Variants in CHD6 observed in about 807,000 individuals in gnomAD.
CHD6 encodes the protein ATP-dependent chromatin remodeler CHD6.
In CHD6, 50 loss-of-function variants were observed where a neutral mutation model predicts 276.9. That is an observed-to-expected ratio of 0.18 (90% CI 0.14 to 0.23). The LOEUF is 0.23. Ranked by LOEUF, CHD6 falls within the 10% of genes least tolerant of loss-of-function variation. The pLI is 1.00. For missense variants in CHD6, 2,564 were observed against 3,365.8 expected, an observed-to-expected ratio of 0.76 and a Z score of 5.89; for synonymous variants, 1,173 against 1,229.3, an observed-to-expected ratio of 0.95 and a Z score of 0.96.
Position 41,441,694 on chromosome 20 carries a change from A to G in CHD6, c.3878-1565T>C, listed in dbSNP as rs375645859. On this transcript the variant is annotated intron_variant, in intron 25 of 36. Coordinates refer to ENST00000373233, the MANE Select transcript of CHD6 (RefSeq NM_032221.5). The stretch of plus-strand genomic sequence containing the variant: ...ACAGATTCAGTATTTTTATTTCTCA[A>G]TTAGCTGTGAAGCTGGAGGTGAGGA... Among the ~76,000 whole-genome samples, 19 of 152,276 alleles carry G rather than the reference A, an allele frequency of 1.2e-4. No individual in the cohort carries two copies. The East Asian group carries it at 1.9e-3, about 15-fold the overall frequency.
At chr20:41,561,503 A>C (rs1283423509) in intron 1 of CHD6, among the ~76,000 whole-genome samples, 3 of 151,982 alleles carry the variant, frequency 2.0e-5, no homozygotes, top group Admixed American at 6.6e-5. Flanking sequence ...CATTGTCTCT[A>C]ATCTGCCTCC....
intron 17 of CHD6, among the ~76,000 whole-genome samples, chr20:41,469,239 C>T (rs1360340478): frequency 6.6e-6 from 1 of 152,184 alleles, no homozygotes; most frequent in African/African-American, 2.4e-5. Flanking sequence ...TCTGCTCCCA[C>T]ACTTTCTGAA....
intron 1 of CHD6, among the ~76,000 whole-genome samples, chr20:41,555,047 C>T (rs2045203754): frequency 6.8e-6 from 1 of 147,606 alleles, no homozygotes; most frequent in Non-Finnish European, 1.5e-5. Context: ...GGGCGGCTGG[C>T]CGGGTGGGGG....
rs372917921 is a variant in CHD6, at chr20:41,405,125, C to G, written c.7616G>C (p.Ser2539Thr). Residue 2539 changes from serine to threonine, a missense_variant, in exon 37 of 37, where the codon AGT (serine) becomes ACT (threonine). By Grantham distance (58) the Ser-to-Thr change is moderately conservative. Around this residue, in one of 7 missense-constraint regions of CHD6, gnomAD observed 238 missense variants for 266.0 expected, o/e 0.89. Transcript: ENST00000373233. ...AGTGCAGGTGGTTGCCATGGGTGGA[C>G]TGAGGAGTCCCCCAACACCAAACAT... ...PQMFGVGGLL[S>T]PPMATTCTST... 1 of 1,614,114 alleles carries G rather than the reference C, an allele frequency of 6.2e-7. No individual in the cohort carries two copies. Among genetic ancestry groups the G allele is most frequent in the African/African-American group, 1.3e-5 (1 of 74,946 alleles).
intron 25 of CHD6, among the ~76,000 whole-genome samples, chr20:41,442,420 CCAGCCTGA>C (rs1463840926): frequency 2.0e-5 from 3 of 152,172 alleles, no homozygotes; most frequent in Non-Finnish European, 4.4e-5. Context: ...CCACTGTACT[CCAGCCTGA>C]GTGACAGAGT....
In CHD6 at chr20:41,452,707, A is replaced by C; in HGVS notation, c.3323+33T>G. On this transcript the variant is annotated intron_variant, in intron 21 of 36. Coordinates refer to ENST00000373233, the MANE Select transcript of CHD6 (RefSeq NM_032221.5). This position sits in a 1 kb window ranked among gnomAD's most constrained non-coding sequence, Gnocchi z 4.2. ...GAAAAACAGAGGGGAACAAACAACA[A>C]TAACAACAAAACTAAGCAGAGCCAA... 3.2e-6 allele frequency: 5 copies of C among 1,586,816 alleles called. No homozygotes were observed. Among genetic ancestry groups the C allele is most frequent in the Non-Finnish European group, 4.3e-6 (5 of 1,160,596 alleles).
intron 17 of CHD6, among the ~76,000 whole-genome samples, chr20:41,471,814 C>T (rs1455972942): frequency 1.3e-5 from 2 of 152,094 alleles, no homozygotes; most frequent in Non-Finnish European, 2.9e-5. Flanking sequence ...GGATTACAGG[C>T]ATAAGCCACC....
At chr20:41,457,135 C>T in intron 18 of CHD6, 129 bp downstream of exon 18, 1 of 1,058,818 alleles carries the variant, frequency 9.4e-7, no homozygotes, top group Non-Finnish European at 1.3e-6. Flanking sequence ...TAGGGAATTA[C>T]CCAATAATGA....
rs2047164332 is a variant in CHD6, at chr20:41,420,839, A to G, written c.5796T>C (p.Ala1932=). The G allele has an allele frequency of 6.2e-7, 1 of 1,614,080 alleles. No homozygotes were observed. The highest frequency in any genetic ancestry group is 8.5e-7 in the Non-Finnish European group (1 of 1,180,050). ...QTPGLQRAFP[A]PAACQCHCKH... ...TGCAGTGGCACTGACAGGCTGCTGGAGCGGGGAAAGCCCTCTGTAGCCCAG... is the reference window on the plus strand; with the variant it reads ...TGCAGTGGCACTGACAGGCTGCTGGGGCGGGGAAAGCCCTCTGTAGCCCAG... The change falls in exon 31 of 37, where the codon GCT becomes GCC. Residue 1932 remains alanine, a synonymous_variant. Transcript: ENST00000373233.
intron 1 of CHD6, among the ~76,000 whole-genome samples, chr20:41,552,571 G>A (rs2045162366): frequency 6.6e-6 from 1 of 152,180 alleles, no homozygotes; most frequent in Non-Finnish European, 1.5e-5. Context: ...AAGTGAGATA[G>A]TTCCAATTCT....
At chr20:41,464,960 T>A (rs976794273) in intron 17 of CHD6, among the ~76,000 whole-genome samples, 3 of 151,740 alleles carry the variant, frequency 2.0e-5, no homozygotes, top group African/African-American at 7.3e-5. Flanking sequence ...ATAAATAGAG[T>A]AATGGATTAT....
At chr20:41,522,484 A>G (rs574728677) in intron 3 of CHD6, among the ~76,000 whole-genome samples, 1 of 152,326 alleles carries the variant, frequency 6.6e-6, no homozygotes, top group East Asian at 1.9e-4. Flanking sequence ...ATGATCTTAA[A>G]ATGTCTCCCT....
chr20:41,488,136 A>G (rs549543403), intron 13 of CHD6, among the ~76,000 whole-genome samples: 6 of 152,314 alleles, frequency 3.9e-5, no homozygotes, highest in African/African-American at 1.4e-4. Context: ...CAGTTCATTT[A>G]GGGGCCTGGA....
chr20:41,406,342 C>G (rs987256093), intron 36 of CHD6, among the ~76,000 whole-genome samples: 1 of 152,242 alleles, frequency 6.6e-6, no homozygotes, highest in Non-Finnish European at 1.5e-5. Context: ...TTCTGCTCCA[C>G]GTGGACCACA....
chr20:41,447,107 C>G (rs1477978067), intron 24 of CHD6, among the ~76,000 whole-genome samples: 1 of 152,172 alleles, frequency 6.6e-6, no homozygotes, highest in Non-Finnish European at 1.5e-5. Flanking sequence ...CAAGTTGCCC[C>G]ATGGGTCGGG....
At chr20:41,448,019 G>T (rs1188313401) in intron 23 of CHD6, 48 bp from the exon 24 acceptor site, 1 of 1,106,270 alleles carries the variant, frequency 9.0e-7, no homozygotes. Context: ...ACCCATAACT[G>T]TCTGTGAACC....
Position 41,452,097 on chromosome 20 carries a change from G to A in CHD6, c.3324-72C>T, listed in dbSNP as rs114903459. On this transcript the variant is annotated intron_variant, in intron 21 of 36. Transcript: ENST00000373233. This position sits in a 1 kb window ranked among gnomAD's most constrained non-coding sequence, Gnocchi z 4.2. ...CCATGCAGGCAGCCTCCCCACAGGAGGAGAAACAAGAGCCATACATGCTTT... is the reference window on the plus strand; with the variant it reads ...CCATGCAGGCAGCCTCCCCACAGGAAGAGAAACAAGAGCCATACATGCTTT... 3.8e-4 allele frequency: 439 copies of A among 1,148,804 alleles called. 1 individual carries two copies. In the African/African-American group the frequency reaches 5.8e-3, roughly 15 times the overall value. The allele number at this position is 1,148,804 out of a possible 1,614,324, so 71.2% of individuals were successfully genotyped here.
intron 2 of CHD6, among the ~76,000 whole-genome samples, chr20:41,542,691 T>C (rs952690798): frequency 4.7e-5 from 7 of 150,470 alleles, no homozygotes; most frequent in Admixed American, 6.6e-5. Context: ...AGACTCCGTC[T>C]CAAAAAAAAA....
At chr20:41,506,073 C>G (rs2043969018) in intron 5 of CHD6, among the ~76,000 whole-genome samples, 1 of 152,078 alleles carries the variant, frequency 6.6e-6, no homozygotes, top group South Asian at 2.1e-4. Flanking sequence ...AAAGTATGTC[C>G]AAAACCCAAT....
Sources: gnomAD v4.1 joint callset for allele counts (sites outside exome capture counted in the v4.1 genomes callset) on GRCh38, gnomAD v4.1.1 for gene constraint, gnomAD v4.1.1 regional missense constraint, Gnocchi (gnomAD v3.1) non-coding constraint, MANE v1.5 for transcripts, NCBI Gene and HGNC (gene_info 2026-07-23, HGNC 2026-07-21) for gene names.